HRH1: variants seen among roughly 807,000 people sequenced by gnomAD.
HRH1 encodes the protein histamine H1 receptor.
In HRH1, 6 loss-of-function variants were observed where a neutral mutation model predicts 10.3. The ratio of observed to expected loss-of-function variants is 0.58; its 90% CI spans 0.32 to 1.15. The LOEUF (loss-of-function observed/expected upper bound fraction) is 1.15, where lower values mean the gene tolerates loss of function less well. HRH1 is among the 50% of genes most tolerant of loss of function. HRH1 has a pLI of 0.05. For missense variants in HRH1, 514 were observed against 615.3 expected (o/e 0.84, Z 1.74); for synonymous variants, 242 against 236.7 (o/e 1.02, Z -0.21).
rs143296696 is a variant in HRH1, at chr3:11,149,221, A to T, written c.-36+11822A>T. Among the ~76,000 whole-genome samples the T allele has an allele frequency of 2.1e-3, 318 of 152,292 alleles. 2 individuals carry two copies. The highest frequency in any genetic ancestry group is 7.4e-3 in the African/African-American group (307 of 41,572). ...TAGTATCTATTATATAAAAGGTGCAATCTATAGATATATATTTTTAAAAAC... is the reference window on the plus strand; with the variant it reads ...TAGTATCTATTATATAAAAGGTGCATTCTATAGATATATATTTTTAAAAAC... On this transcript the variant is annotated intron_variant, in intron 1 of 1. Coordinates refer to the HRH1 transcript ENST00000438284.
chr3:11,173,015 TA>T (rs1411048662), intron 1 of HRH1, among the ~76,000 whole-genome samples: 2 of 152,130 alleles, frequency 1.3e-5, no homozygotes, highest in Non-Finnish European at 2.9e-5. Flanking sequence ...GCGAACCTTC[TA>T]GGAGCAAACT....
chr3:11,203,849 C>T (rs1938020080), intron 1 of HRH1, among the ~76,000 whole-genome samples: 1 of 152,180 alleles, frequency 6.6e-6, no homozygotes. Context: ...TCCATATAAA[C>T]TTCATAATCA....
intron 1 of HRH1, among the ~76,000 whole-genome samples, chr3:11,172,155 G>A (rs1002806199): frequency 3.3e-5 from 5 of 152,228 alleles, no homozygotes; most frequent in African/African-American, 1.2e-4. Context: ...TTTTGCTGGG[G>A]CACTACAGAG....
At chr3:11,139,428 T>C (rs1936250638) in intron 1 of HRH1, among the ~76,000 whole-genome samples, 1 of 151,918 alleles carries the variant, frequency 6.6e-6, no homozygotes, top group Non-Finnish European at 1.5e-5. Context: ...TACAGGCGCC[T>C]GCCACCACGC....
intron 1 of HRH1, among the ~76,000 whole-genome samples, chr3:11,158,530 G>A (rs1936861341): frequency 1.3e-5 from 2 of 152,206 alleles, no homozygotes. Flanking sequence ...CTAGAGAGTG[G>A]AAGGTGTAGT....
chr3:11,171,613 T>C (rs1280846222), intron 1 of HRH1, among the ~76,000 whole-genome samples: 1 of 152,202 alleles, frequency 6.6e-6, no homozygotes, highest in African/African-American at 2.4e-5. Context: ...GGCTAGCCCA[T>C]GCAGTGCCAA....
intron 1 of HRH1, among the ~76,000 whole-genome samples, chr3:11,210,533 C>T (rs915887527): frequency 2.0e-5 from 3 of 151,862 alleles, no homozygotes; most frequent in Admixed American, 6.6e-5. Context: ...GGCTCACACC[C>T]GTAATCCCAG....
intron 1 of HRH1, among the ~76,000 whole-genome samples, chr3:11,249,648 A>T (rs1435167594): frequency 6.6e-6 from 1 of 152,160 alleles, no homozygotes; most frequent in Non-Finnish European, 1.5e-5. Context: ...AGTGAAACAA[A>T]TGTATGGTTT....
intron 1 of HRH1, among the ~76,000 whole-genome samples, chr3:11,175,318 A>G (rs1353367938): frequency 1.3e-5 from 2 of 152,240 alleles, no homozygotes; most frequent in Non-Finnish European, 2.9e-5. Context: ...CTGGTAAGCA[A>G]TAGAGCTGGG....
At chr3:11,232,562 G>T (rs148347620) in intron 1 of HRH1, among the ~76,000 whole-genome samples, 43 of 152,228 alleles carry the variant, frequency 2.8e-4, no homozygotes, top group African/African-American at 1.0e-3. Context: ...AATTGGGTAG[G>T]TCGATTTCTC....
intron 1 of HRH1, among the ~76,000 whole-genome samples, chr3:11,145,592 T>C (rs1458970192): frequency 6.6e-6 from 1 of 152,192 alleles, no homozygotes; most frequent in Admixed American, 6.5e-5. Context: ...AATGAGATTT[T>C]TTAAATTGAG....
At chr3:11,233,504 A>G (rs1255764299) in intron 1 of HRH1, among the ~76,000 whole-genome samples, 1 of 152,130 alleles carries the variant, frequency 6.6e-6, no homozygotes, top group Non-Finnish European at 1.5e-5. Flanking sequence ...CTACTCTGGT[A>G]ATAATTAGGT....
At chr3:11,237,348 A>G (rs1015479566) in intron 1 of HRH1, among the ~76,000 whole-genome samples, 1 of 152,126 alleles carries the variant, frequency 6.6e-6, no homozygotes, top group Non-Finnish European at 1.5e-5. Flanking sequence ...TCTCTTCACA[A>G]TGGAAAAGAG....
chr3:11,190,861 A>G (rs182377809), intron 1 of HRH1, among the ~76,000 whole-genome samples: 53 of 152,134 alleles, frequency 3.5e-4, no homozygotes, highest in African/African-American at 1.1e-3. Context: ...CTGGCCTCTA[A>G]GTGAGACAGG....
chr3:11,174,495 A>G (rs1937213697), intron 1 of HRH1, among the ~76,000 whole-genome samples: 1 of 152,162 alleles, frequency 6.6e-6, no homozygotes, highest in African/African-American at 2.4e-5. Context: ...GGGGCAGGAG[A>G]TGATGCCTAT....
At chr3:11,219,909 T>C (rs1404950782) in intron 1 of HRH1, among the ~76,000 whole-genome samples, 1 of 151,416 alleles carries the variant, frequency 6.6e-6, no homozygotes, top group Non-Finnish European at 1.5e-5. Context: ...AGCTGTTTAG[T>C]TTCTTTCTTA....
chr3:11,166,927 A>G (rs1473217183), intron 1 of HRH1, among the ~76,000 whole-genome samples: 1 of 786 alleles, frequency 1.3e-3, no homozygotes, highest in African/African-American at 5.4e-3. Context: ...GGCCCGCAAC[A>G]TCTCCTTCCC....
intron 1 of HRH1, among the ~76,000 whole-genome samples, chr3:11,250,572 A>T (rs1317616476): frequency 6.6e-6 from 1 of 152,102 alleles, no homozygotes; most frequent in Non-Finnish European, 1.5e-5. Context: ...TGGTAATTCA[A>T]TGGGTGGAGT....
At chr3:11,154,038 C>T (rs1936715498), upstream of HRH1, among the ~76,000 whole-genome samples, 1 of 152,188 alleles carries the variant, frequency 6.6e-6, no homozygotes, top group African/African-American at 2.4e-5. This position sits in a 1 kb window ranked among gnomAD's most constrained non-coding sequence, Gnocchi z 4.4. Context: ...CTTTTTCAAT[C>T]TATCTGTGAT....
Sources: allele counts gnomAD v4.1 joint callset (sites outside exome capture counted in the v4.1 genomes callset), GRCh38; gene constraint gnomAD v4.1.1; non-coding constraint Gnocchi (gnomAD v3.1); transcripts MANE v1.5; gene names NCBI Gene and HGNC (gene_info 2026-07-23, HGNC 2026-07-21).